GAS2: variants seen among roughly 807,000 people sequenced by gnomAD.
GAS2 encodes growth arrest specific 2.
GAS2 carries 20 observed loss-of-function variants against 37.5 expected under a neutral mutation model. The observed-to-expected ratio is 0.53, with a 90% CI of 0.37 to 0.77. The LOEUF is 0.77. Among genes scored for constraint, GAS2 ranks in the 30% least tolerant of loss-of-function variants. The pLI, the probability that GAS2 is intolerant of heterozygous loss-of-function variation, is 0.00. For synonymous variants in GAS2, 144 were observed against 132.2 expected (o/e 1.09, Z -0.61); for missense variants, 336 against 373.4 (o/e 0.90, Z 0.82).
At chr11:22,731,839 A>C (rs1395264585) in intron 4 of GAS2, among the ~76,000 whole-genome samples, 2 of 151,636 alleles carry the variant, frequency 1.3e-5, no homozygotes, top group Non-Finnish European at 3.0e-5. Flanking sequence ...TCAGCCCTGG[A>C]TTATTTATAT....
At chr11:22,731,421 C>T in intron 4 of GAS2, 1 of 406,614 alleles carries the variant, frequency 2.5e-6, no homozygotes, top group Admixed American at 2.9e-5. Context: ...GTGTAGCATG[C>T]AAATGTGTGT....
At chr11:22,745,672 A>G (rs1853357532) in intron 5 of GAS2, among the ~76,000 whole-genome samples, 1 of 152,204 alleles carries the variant, frequency 6.6e-6, no homozygotes, top group Non-Finnish European at 1.5e-5. Context: ...ACAGAATGGG[A>G]GAAAATATTC....
intron 3 of GAS2, among the ~76,000 whole-genome samples, chr11:22,715,323 T>C (rs1851613649): frequency 6.6e-6 from 1 of 150,964 alleles, no homozygotes; most frequent in Admixed American, 6.6e-5. Flanking sequence ...TAGCCAAGTG[T>C]GGTGGCACGT....
At chr11:22,636,596 T>G (rs1188177784) in intron 1 of GAS2, among the ~76,000 whole-genome samples, 2 of 152,124 alleles carry the variant, frequency 1.3e-5, no homozygotes, top group African/African-American at 4.8e-5. Flanking sequence ...CTTAAGCCTA[T>G]CAATGTATAA....
chr11:22,783,008 T>C (rs957277619), intron 7 of GAS2, among the ~76,000 whole-genome samples: 7 of 152,138 alleles, frequency 4.6e-5, no homozygotes, highest in Non-Finnish European at 8.8e-5. Flanking sequence ...TCTTAGTTCA[T>C]TGAGAAATCT....
chr11:22,638,683 C>T (rs978234681), intron 1 of GAS2, among the ~76,000 whole-genome samples: 4 of 152,106 alleles, frequency 2.6e-5, no homozygotes, highest in African/African-American at 7.2e-5. Context: ...TTATAGGACA[C>T]TATGCAACTG....
chr11:22,730,815 C>T (rs115084100), intron 4 of GAS2, among the ~76,000 whole-genome samples: 1,738 of 151,674 alleles, frequency 0.011, 32 homozygotes, highest in African/African-American at 0.04. Context: ...TTTATATTTT[C>T]AGTTTCACCG....
At chr11:22,648,739 G>T (rs1848734400) in intron 1 of GAS2, among the ~76,000 whole-genome samples, 1 of 152,174 alleles carries the variant, frequency 6.6e-6, no homozygotes, top group Non-Finnish European at 1.5e-5. Flanking sequence ...TGTTATTTGT[G>T]TATAAGAATG....
intron 7 of GAS2, among the ~76,000 whole-genome samples, chr11:22,759,315 G>C (rs554047314): frequency 1.1e-4 from 16 of 152,086 alleles, no homozygotes; most frequent in Non-Finnish European, 1.6e-4. Flanking sequence ...TATTAATAGA[G>C]GCATCTATGT....
At chr11:22,708,274 A>G (rs1037716170) in intron 3 of GAS2, among the ~76,000 whole-genome samples, 3 of 152,234 alleles carry the variant, frequency 2.0e-5, no homozygotes, top group African/African-American at 4.8e-5. Flanking sequence ...GATATTTTTG[A>G]GATTGTGTTT....
chr11:22,689,752 G>GA (rs1039608086), intron 3 of GAS2, among the ~76,000 whole-genome samples: 5 of 152,088 alleles, frequency 3.3e-5, no homozygotes, highest in African/African-American at 1.2e-4. Flanking sequence ...TTTCCCATGG[G>GA]AAAAAATGAG....
At chr11:22,676,741 A>C (rs931141373) in intron 2 of GAS2, among the ~76,000 whole-genome samples, 1 of 150,370 alleles carries the variant, frequency 6.7e-6, no homozygotes, top group Non-Finnish European at 1.5e-5. Flanking sequence ...TTTTCAACAA[A>C]CATTTGAGTG....
At chr11:22,675,444 C>G (rs976119526) in intron 2 of GAS2, among the ~76,000 whole-genome samples, 1 of 152,172 alleles carries the variant, frequency 6.6e-6, no homozygotes, top group Non-Finnish European at 1.5e-5. Context: ...TACCCAAACT[C>G]AGGAACAAAA....
intron 1 of GAS2, among the ~76,000 whole-genome samples, chr11:22,629,380 G>C (rs1236309234): frequency 6.6e-6 from 1 of 152,016 alleles, no homozygotes. Context: ...GGGTAAGGTA[G>C]TATCCTTTTC....
chr11:22,686,835 A>C (rs1437016615), intron 3 of GAS2, among the ~76,000 whole-genome samples: 2 of 152,184 alleles, frequency 1.3e-5, no homozygotes, highest in African/African-American at 4.8e-5. Context: ...CAGAAAAAAT[A>C]AAAGGGGTGT....
intron 7 of GAS2, among the ~76,000 whole-genome samples, chr11:22,793,465 G>C (rs969086125): frequency 6.6e-6 from 1 of 152,092 alleles, no homozygotes; most frequent in African/African-American, 2.4e-5. Context: ...GGCAAAAAAT[G>C]ATTGAGAAAC....
Position 22,789,429 on chromosome 11 carries a change from T to G in GAS2, c.724-22369T>G, listed in dbSNP as rs879517855. On this transcript the variant is annotated intron_variant, in intron 7 of 7. Transcript: ENST00000454584. ...ATGTGTGTGTATCTCATATGAGATA[T>G]ATATATATATATATATATATATATA... Among the ~76,000 whole-genome samples, 9 of 86,812 alleles carry G rather than the reference T, an allele frequency of 1.0e-4. 1 individual carries two copies. The highest frequency in any genetic ancestry group is 1.2e-4 in the Admixed American group (1 of 8,408). The allele number at this position is 86,812 out of a possible 152,430, so 57.0% of individuals were successfully genotyped here. A position where few individuals can be genotyped will look rare whatever the true frequency, so the allele number is the denominator to read the frequency against.
rs188162137 is a variant in GAS2, at chr11:22,630,290, A to C, written c.-21+4477A>C. Reference sequence around the variant, plus strand: ...TCAGTTCCCACCTATGAGTGAGAACATGTGATGTTTGGTTTTTTGTTCTTG... The same window carrying C: ...TCAGTTCCCACCTATGAGTGAGAACCTGTGATGTTTGGTTTTTTGTTCTTG... On this transcript the variant is annotated intron_variant, in intron 1 of 5. Coordinates refer to the GAS2 transcript ENST00000528582. Among the ~76,000 whole-genome samples the C allele has an allele frequency of 2.6e-3, 403 of 152,282 alleles. 2 individuals are homozygous for C. Among genetic ancestry groups the C allele is most frequent in the Admixed American group, 4.2e-3 (64 of 15,302 alleles).
intron 1 of GAS2, among the ~76,000 whole-genome samples, chr11:22,631,766 T>A (rs1252294477): frequency 6.6e-6 from 1 of 152,028 alleles, no homozygotes; most frequent in Non-Finnish European, 1.5e-5. Flanking sequence ...TCAGAGATAT[T>A]GGTCTGTAAT....
Sources: allele counts gnomAD v4.1 joint callset (sites outside exome capture counted in the v4.1 genomes callset), GRCh38; gene constraint gnomAD v4.1.1; transcripts MANE v1.5; gene names NCBI Gene and HGNC (gene_info 2026-07-23, HGNC 2026-07-21).